LYRM4: variants seen among roughly 807,000 people sequenced by gnomAD.
LYRM4 encodes the protein LYR motif containing 4.
LYRM4 carries 9 observed loss-of-function variants against 11.7 expected under a neutral mutation model. The observed-to-expected ratio is 0.77, with a 90% CI of 0.46 to 1.34. The LOEUF is 1.34. Ranked by LOEUF, LYRM4 falls within the 40% of genes most tolerant of loss-of-function variation. The pLI, the probability that LYRM4 is intolerant of heterozygous loss-of-function variation, is 0.00. For synonymous variants in LYRM4, 42 were observed against 40.4 expected (o/e 1.04, Z -0.15); for missense variants, 133 against 112.5 (o/e 1.18, Z -0.82).
intron 2 of LYRM4, among the ~76,000 whole-genome samples, chr6:5,194,616 T>C (rs1473408797): frequency 1.3e-5 from 2 of 152,372 alleles, no homozygotes; most frequent in East Asian, 3.9e-4. Flanking sequence ...TTCATGATTC[T>C]TTTTTAAGCT....
chr6:5,164,595 A>T (rs751750474), intron 2 of LYRM4, among the ~76,000 whole-genome samples: 3 of 152,194 alleles, frequency 2.0e-5, no homozygotes, highest in Admixed American at 6.5e-5. Context: ...ACTGCAAAAA[A>T]ATTCTAGGTG....
At chr6:5,160,717 C>A (rs774673541) in intron 2 of LYRM4, among the ~76,000 whole-genome samples, 13 of 151,920 alleles carry the variant, frequency 8.6e-5, no homozygotes, top group South Asian at 6.3e-4. Context: ...GTTACTCAGT[C>A]TTGGGCATGT....
chr6:5,103,982 C>T (rs1473317701), downstream of LYRM4: 5 of 94,182 alleles, frequency 5.3e-5, no homozygotes, highest in African/African-American at 1.5e-4. Flanking sequence ...ATATGAAGTA[C>T]TTAGCAAAAA....
intron 2 of LYRM4, among the ~76,000 whole-genome samples, chr6:5,205,259 G>C (rs1315898136): frequency 6.6e-6 from 1 of 152,148 alleles, no homozygotes; most frequent in Non-Finnish European, 1.5e-5. Context: ...GCCTTCCCTA[G>C]GGGAGGAGGT....
chr6:5,046,869 C>T, the LYRM4 span, among the ~76,000 whole-genome samples: 2 of 152,148 alleles, frequency 1.3e-5, no homozygotes, highest in Admixed American at 6.5e-5. Flanking sequence ...AAGGGTGGAT[C>T]GCTTGAGCCC....
At chr6:5,214,386 T>C (rs1045178970) in intron 2 of LYRM4, among the ~76,000 whole-genome samples, 1 of 151,960 alleles carries the variant, frequency 6.6e-6, no homozygotes, top group Admixed American at 6.5e-5. Context: ...TTCAAGGAAA[T>C]AGGGAGTGTG....
At chr6:5,251,914 C>G (rs1764447039) in intron 1 of LYRM4, among the ~76,000 whole-genome samples, 1 of 152,228 alleles carries the variant, frequency 6.6e-6, no homozygotes, top group South Asian at 2.1e-4. Flanking sequence ...GCCAATAAAT[C>G]TGGATTGCGA....
At chr6:5,060,428 A>C in the LYRM4 span, among the ~76,000 whole-genome samples, 2 of 152,014 alleles carry the variant, frequency 1.3e-5, no homozygotes, top group African/African-American at 4.8e-5. Flanking sequence ...TTCTTGCTTA[A>C]GTCAGGTCTT....
chr6:5,138,374 C>T (rs547161838), intron 2 of LYRM4, among the ~76,000 whole-genome samples: 11 of 150,672 alleles, frequency 7.3e-5, no homozygotes, highest in Admixed American at 3.3e-4. Flanking sequence ...GTCCCAACTA[C>T]TCGGGAGGCT....
chr6:5,100,222 C>G (rs127119), downstream of LYRM4, among the ~76,000 whole-genome samples: 96,942 of 152,108 alleles, frequency 0.64, 31,673 homozygotes, highest in East Asian at 0.8. Flanking sequence ...AAGCCAGCGT[C>G]AGCAAGGAGG....
intron 2 of LYRM4, among the ~76,000 whole-genome samples, chr6:5,121,013 C>T (rs1561810528): frequency 6.6e-6 from 1 of 152,200 alleles, no homozygotes; most frequent in Non-Finnish European, 1.5e-5. Context: ...TGCTTCCTTG[C>T]TTCTGACTAG....
chr6:5,165,084 T>C lies in LYRM4; in HGVS notation c.207+51534A>G, dbSNP rs78311494. Among the ~76,000 whole-genome samples, 1,268 of 152,314 alleles carry C rather than the reference T, an allele frequency of 8.3e-3. 18 individuals are homozygous for C. The highest frequency in any genetic ancestry group is 0.028 in the African/African-American group (1,181 of 41,562). ...TTTAATGCAGTACTTTTGAATATTA[T>C]ATCTTTCCTCCTATCATGCTGAATT... On this transcript the variant is annotated intron_variant, in intron 2 of 2. Transcript: ENST00000330636.
chr6:5,127,603 A>C (rs1407346211), intron 2 of LYRM4, among the ~76,000 whole-genome samples: 1 of 152,212 alleles, frequency 6.6e-6, no homozygotes, highest in Non-Finnish European at 1.5e-5. Context: ...TGGGTTTCAA[A>C]GACTTAGTAA....
In LYRM4 at chr6:5,108,974, G is replaced by A; in HGVS notation, c.*449C>T. 1 of 999,500 alleles carries A rather than the reference G, an allele frequency of 1.0e-6. No individual in the cohort carries two copies. The highest frequency in any genetic ancestry group is 4.4e-5 in the South Asian group (1 of 22,882). 61.9% of individuals were successfully genotyped at this position (999,500 alleles called of 1,614,324 possible). On this transcript the variant is annotated 3_prime_UTR_variant, in exon 3 of 3. Transcript: ENST00000330636. ...CCAAGGCAGTTCTCGTCTCAGAGTT[G>A]AACCCTCCCTGAGGGCCCCCAACAG... is the stretch of plus-strand genomic sequence containing the variant.
downstream of LYRM4, chr6:5,103,682 G>GCTCACT (rs1762573313): frequency 7.0e-6 from 1 of 142,520 alleles, no homozygotes. Context: ...TGTCACCCAG[G>GCTCACT]CTGGAGTTCA....
intron 1 of LYRM4, chr6:5,236,463 T>TA (rs917905908): frequency 3.9e-4 from 57 of 146,962 alleles, no homozygotes; most frequent in Non-Finnish European, 6.6e-4. Flanking sequence ...AGACTCCATC[T>TA]AAAAAAAAAG....
chr6:5,102,662 C>G (rs1213756566), downstream of LYRM4: 2 of 152,198 alleles, frequency 1.3e-5, no homozygotes, highest in Non-Finnish European at 2.9e-5. Context: ...TATTTTCTTG[C>G]AGAAGCAGCC....
chr6:5,073,891 G>A, the LYRM4 span, among the ~76,000 whole-genome samples: 1 of 152,162 alleles, frequency 6.6e-6, no homozygotes, highest in Non-Finnish European at 1.5e-5. Flanking sequence ...ACATCTGGAG[G>A]TGGCGTTCTT....
At chr6:5,089,781 A>C in the LYRM4 span, among the ~76,000 whole-genome samples, 3 of 152,224 alleles carry the variant, frequency 2.0e-5, no homozygotes, top group Non-Finnish European at 4.4e-5. Context: ...TAAACAGCCC[A>C]GTATTTCACC....
Sources: allele counts gnomAD v4.1 joint callset (sites outside exome capture counted in the v4.1 genomes callset), GRCh38; gene constraint gnomAD v4.1.1; transcripts MANE v1.5; gene names NCBI Gene and HGNC (gene_info 2026-07-23, HGNC 2026-07-21).